The following STAU1 variants were observed in gnomAD, a reference collection of about 807,000 sequenced individuals.
STAU1 encodes double-stranded RNA-binding protein Staufen homolog 1.
Under a neutral mutation model 62.9 loss-of-function variants are expected in STAU1, and 13 were observed. The observed-to-expected ratio is 0.21, with a 90% confidence interval of 0.13 to 0.33. STAU1 has a LOEUF of 0.33. Among genes scored for constraint, STAU1 ranks in the 10% least tolerant of loss-of-function variants. The pLI, the probability that STAU1 is intolerant of heterozygous loss-of-function variation, is 1.00. For missense variants in STAU1, 571 were observed against 712.1 expected, an observed-to-expected ratio of 0.80 and a Z score of 2.25; for synonymous variants, 269 against 265.1, an observed-to-expected ratio of 1.01 and a Z score of -0.14.
rs1021701882 is a variant in STAU1 at position 49,175,558 on chromosome 20, C to A, written c.-159-1289G>T. On this transcript the variant is annotated intron_variant, in intron 1 of 13. Coordinates refer to ENST00000371856, the MANE Select transcript of STAU1 (RefSeq NM_017453.4). ...GCAGTGGCGTGATGTCGGCTCCCTG[C>A]AACCTCCGCCTCCCGGGTTCAAGCA... is the stretch of plus-strand genomic sequence containing the variant. Among the ~76,000 whole-genome samples the A allele has an allele frequency of 2.6e-5, 4 of 151,970 alleles. No homozygotes were observed. The South Asian group carries it at 6.2e-4, about 24-fold the overall frequency.
Position 49,114,659 on chromosome 20 carries a change from C to G in STAU1, c.*219G>C, listed in dbSNP as rs1231902630. On this transcript the variant is annotated 3_prime_UTR_variant, in exon 14 of 14. Transcript: ENST00000371856. ...GCAGCTGCTATTGCGTAGGGACCGCCAGGTCACCGAGTGGCCATCACAACA... is the reference window on the plus strand; with the variant it reads ...GCAGCTGCTATTGCGTAGGGACCGCGAGGTCACCGAGTGGCCATCACAACA... 7.7e-6 allele frequency: 4 copies of G among 519,354 alleles called. No individual in the cohort carries two copies. Among genetic ancestry groups the G allele is most frequent in the Non-Finnish European group, 1.4e-5 (4 of 285,330 alleles). The allele number at this position is 519,354 out of a possible 1,614,324, so 32.2% of individuals were successfully genotyped here. A position where few individuals can be genotyped will look rare whatever the true frequency, so the allele number is the denominator to read the frequency against.
At chr20:49,166,345 C>T in intron 2 of STAU1, 60 bp from the exon 3 acceptor site, 3 of 677,612 alleles carry the variant, frequency 4.4e-6, no homozygotes, top group Non-Finnish European at 7.4e-6. Flanking sequence ...ATGTAATTGC[C>T]AATATTCAGT....
intron 3 of STAU1, among the ~76,000 whole-genome samples, chr20:49,157,061 G>A (rs111653111): frequency 6.6e-6 from 1 of 151,746 alleles, no homozygotes; most frequent in Admixed American, 6.6e-5. Flanking sequence ...ACTTTTAGTA[G>A]AGACAGGGTT....
intron 5 of STAU1, among the ~76,000 whole-genome samples, chr20:49,145,842 T>C (rs867037794): frequency 6.6e-6 from 1 of 151,648 alleles, no homozygotes; most frequent in Non-Finnish European, 1.5e-5. Flanking sequence ...CAGGGTACTA[T>C]GATCATGTCT....
At chr20:49,155,001 G>A (rs1009956846) in intron 3 of STAU1, among the ~76,000 whole-genome samples, 1 of 152,038 alleles carries the variant, frequency 6.6e-6, no homozygotes, top group Non-Finnish European at 1.5e-5. Context: ...CAGGAGAATC[G>A]CCTGAACCCA....
chr20:49,205,363 G>GTT, the STAU1 span, among the ~76,000 whole-genome samples: 472 of 118,066 alleles, frequency 4.0e-3, 9 homozygotes, highest in Non-Finnish European at 5.3e-3. Flanking sequence ...CTTTATGACA[G>GTT]TTTTTTTTTT....
Position 49,123,204 on chromosome 20 carries a change from A to G in STAU1, c.854T>C (p.Ile285Thr). 6.2e-7 allele frequency: 1 copy of G among 1,614,058 alleles called. No homozygotes were observed. Among genetic ancestry groups the G allele is most frequent in the Non-Finnish European group, 8.5e-7 (1 of 1,179,996 alleles). The change falls in exon 8 of 14, where the codon ATC (isoleucine) becomes ACC (threonine). Residue 285 changes from isoleucine (I) to threonine (T), a missense_variant. By Grantham distance (89) the Ile-to-Thr change is moderately conservative (BLOSUM62 -1). Coordinates refer to ENST00000371856, the MANE Select transcript of STAU1 (RefSeq NM_017453.4). Reference sequence around the variant, plus strand: ...CTGGGCCAGTCGGCTAATCGGATTGATCCCCTGGCCATATTCTGGGCTTGT... The same window carrying G: ...CTGGGCCAGTCGGCTAATCGGATTGGTCCCCTGGCCATATTCTGGGCTTGT... Reference protein sequence around the residue: ...PQTSPEYGQGINPISRLAQIQ... With the variant: ...PQTSPEYGQGTNPISRLAQIQ...
intron 2 of STAU1, among the ~76,000 whole-genome samples, chr20:49,169,191 C>T (rs2093566163): frequency 6.6e-6 from 1 of 152,030 alleles, no homozygotes; most frequent in Non-Finnish European, 1.5e-5. Flanking sequence ...CTCAAGTGAT[C>T]CTCCTGCCTC....
rs1568835758 is a variant in STAU1 at position 49,126,588 on chromosome 20, C to CAAAAAAAAAACAAAACAAAAAA, written c.610-2002_610-2001insTTTTTTGTTTTGTTTTTTTTTT. Among the ~76,000 whole-genome samples the CAAAAAAAAAACAAAACAAAAAA allele has an allele frequency of 3.5e-3, 198 of 56,294 alleles. 5 individuals are homozygous for CAAAAAAAAAACAAAACAAAAAA. The highest frequency in any genetic ancestry group is 0.012 in the African/African-American group (188 of 15,704). 36.9% of individuals were successfully genotyped at this position (56,294 alleles called of 152,430 possible). A position where few individuals can be genotyped will look rare whatever the true frequency, so the allele number is the denominator to read the frequency against. ...GTCTCAAAAAGCAAAAAAAAAAAAA[C>CAAAAAAAAAACAAAACAAAAAA]AAAAAAAAAACAAAAAAACTTAAAA... is the stretch of plus-strand genomic sequence containing the variant. On this transcript the variant is annotated intron_variant, in intron 6 of 13. Coordinates refer to ENST00000371856, the MANE Select transcript of STAU1 (RefSeq NM_017453.4).
rs1309208681 is a variant in STAU1 at position 49,186,469 on chromosome 20, A to G, written c.-160+1647T>C. 3.3e-5 allele frequency among the ~76,000 whole-genome samples: 5 copies of G among 152,312 alleles called. No homozygotes were observed. The South Asian group carries it at 6.2e-4, about 19-fold the overall frequency. On this transcript the variant is annotated intron_variant, in intron 1 of 13. Coordinates refer to ENST00000371856, the MANE Select transcript of STAU1 (RefSeq NM_017453.4). Reference sequence around the variant, plus strand: ...CGCATGTGTGTTAAGAGATGGGTATAAATCAAAATAGTTTCAGTTCACTAA... The same window carrying G: ...CGCATGTGTGTTAAGAGATGGGTATGAATCAAAATAGTTTCAGTTCACTAA...
At chr20:49,161,206 G>GGTCCCA (rs1408467964) in intron 3 of STAU1, among the ~76,000 whole-genome samples, 1 of 151,742 alleles carries the variant, frequency 6.6e-6, no homozygotes, top group Non-Finnish European at 1.5e-5. Flanking sequence ...ATGCACCTGA[G>GGTCCCA]GTCCCAGCTA....
intron 1 of STAU1, among the ~76,000 whole-genome samples, chr20:49,177,627 C>T (rs1055266506): frequency 6.0e-5 from 9 of 151,198 alleles, no homozygotes; most frequent in African/African-American, 1.9e-4. Flanking sequence ...TGCAGTGAGC[C>T]GAGATCACAC....
chr20:49,116,994 A>T, intron 12 of STAU1, 132 bp downstream of exon 12: 1 of 1,198,178 alleles, frequency 8.3e-7, no homozygotes, highest in South Asian at 1.5e-5. Context: ...GAACACTATC[A>T]AACGATTCAT....
At chr20:49,134,075 CA>C (rs1391129134) in intron 6 of STAU1, among the ~76,000 whole-genome samples, 3 of 152,098 alleles carry the variant, frequency 2.0e-5, no homozygotes, top group Non-Finnish European at 4.4e-5. Context: ...GCACGTAAAT[CA>C]AAAGAATCTG....
At chr20:49,132,780 CAAAA>C (rs1284859040) in intron 6 of STAU1, among the ~76,000 whole-genome samples, 1 of 140,900 alleles carries the variant, frequency 7.1e-6, no homozygotes, top group East Asian at 2.1e-4. Flanking sequence ...CAAAACAAAA[CAAAA>C]GTCAAGCTGT....
intron 6 of STAU1, among the ~76,000 whole-genome samples, chr20:49,130,493 T>G (rs2092726665): frequency 6.6e-6 from 1 of 151,922 alleles, no homozygotes; most frequent in Non-Finnish European, 1.5e-5. Flanking sequence ...ATCCAAAAAA[T>G]AACTGATGGG....
At chr20:49,190,553 C>T (rs979412418), upstream of STAU1, among the ~76,000 whole-genome samples, 1 of 152,154 alleles carries the variant, frequency 6.6e-6, no homozygotes, top group African/African-American at 2.4e-5. Flanking sequence ...TCAAGCAATC[C>T]TCTTGCCTCA....
chr20:49,184,254 T>G (rs943170651), intron 1 of STAU1, among the ~76,000 whole-genome samples: 2 of 151,974 alleles, frequency 1.3e-5, no homozygotes, highest in African/African-American at 4.8e-5. Flanking sequence ...CACTGCAGCC[T>G]GGGTGACAAG....
intron 5 of STAU1, among the ~76,000 whole-genome samples, chr20:49,140,625 G>T (rs2092987376): frequency 6.6e-6 from 1 of 152,084 alleles, no homozygotes; most frequent in African/African-American, 2.4e-5. Flanking sequence ...TAAAGTAGAG[G>T]TTACCAAGGG....
Sources: allele counts gnomAD v4.1 joint callset (sites outside exome capture counted in the v4.1 genomes callset), GRCh38; gene constraint gnomAD v4.1.1; transcripts MANE v1.5; gene names NCBI Gene and HGNC (gene_info 2026-07-23, HGNC 2026-07-21).